The following IFT52 variants were observed in gnomAD, a reference collection of about 807,000 sequenced individuals.
IFT52 encodes intraflagellar transport 52, also known as intraflagellar transport protein 52 homolog.
Under a neutral mutation model 54.4 loss-of-function variants are expected in IFT52, and 44 were observed. The ratio of observed to expected loss-of-function variants is 0.81; its 90% CI spans 0.63 to 1.04. The LOEUF (loss-of-function observed/expected upper bound fraction) is 1.04. Ranked by LOEUF, IFT52 falls within the 50% of genes least tolerant of loss-of-function variation. The pLI, the probability that IFT52 is intolerant of heterozygous loss-of-function variation, is 0.00. For synonymous variants in IFT52, 181 were observed against 185.3 expected (o/e 0.98, Z 0.19); for missense variants, 452 against 523.6 (o/e 0.86, Z 1.33).
At chr20:43,593,691 T>A (rs1981707796) in intron 1 of IFT52, among the ~76,000 whole-genome samples, 1 of 152,130 alleles carries the variant, frequency 6.6e-6, no homozygotes, top group Non-Finnish European at 1.5e-5. Context: ...CACCTCAGCC[T>A]CCCGAATAGC....
At chr20:43,608,064 G>T (rs967825491) in intron 6 of IFT52, among the ~76,000 whole-genome samples, 1 of 152,176 alleles carries the variant, frequency 6.6e-6, no homozygotes, top group African/African-American at 2.4e-5. Context: ...AGGAAATCAG[G>T]CAGGGAGGTT....
At position 43,637,192 on chromosome 20, in the gene IFT52, A is replaced by G. The variant is rs771012260; in HGVS notation, c.1059A>G (p.Leu353=). 30 of 1,609,266 alleles carry G rather than the reference A, an allele frequency of 1.9e-5. No homozygotes were observed. Among genetic ancestry groups the G allele is most frequent in the Non-Finnish European group, 2.5e-5 (30 of 1,178,408 alleles). Residue 353 remains leucine, a synonymous_variant, in exon 12 of 14, where the codon CTA becomes CTG. Transcript: ENST00000373030. ...AGTTACCACCTCCTCCTCTGGAGCT[A>G]TTTGATTTAGATGAAACGTTCTCCT... ...FRELPPPPLE[L]FDLDETFSSE...
At chr20:43,598,171 C>G (rs376021083) in intron 3 of IFT52, among the ~76,000 whole-genome samples, 1 of 151,950 alleles carries the variant, frequency 6.6e-6, no homozygotes, top group Non-Finnish European at 1.5e-5. Context: ...TTATGCCAAA[C>G]GAAAATAAGG....
At chr20:43,592,570 C>A (rs1376068805) in intron 1 of IFT52, among the ~76,000 whole-genome samples, 9 of 142,116 alleles carry the variant, frequency 6.3e-5, no homozygotes, top group East Asian at 2.1e-4. Context: ...CAGACTCTCT[C>A]AAAAAAAAAA....
At chr20:43,639,587 T>G (rs901438507) in intron 12 of IFT52, among the ~76,000 whole-genome samples, 2 of 152,280 alleles carry the variant, frequency 1.3e-5, no homozygotes, top group East Asian at 3.9e-4. Flanking sequence ...GGAGAATCGC[T>G]TGAACCCAGG....
intron 12 of IFT52, chr20:43,642,178 A>C (rs1457429796): frequency 2.7e-5 from 7 of 257,812 alleles, no homozygotes. Context: ...GGGAATGATA[A>C]TTTGATTTCC....
chr20:43,616,513 A>G (rs2145626420), intron 7 of IFT52, among the ~76,000 whole-genome samples: 1 of 151,516 alleles, frequency 6.6e-6, no homozygotes, highest in South Asian at 2.1e-4. Context: ...TGTCTCCAAA[A>G]AAAAAAAAAA....
At position 43,640,018 on chromosome 20, in the gene IFT52, G is replaced by A. The variant is rs1600518477; in HGVS notation, c.1121-2461G>A. 2.0e-5 allele frequency among the ~76,000 whole-genome samples: 3 copies of A among 151,956 alleles called. No individual in the cohort carries two copies. In the South Asian group the frequency reaches 6.2e-4, roughly 32 times the overall value. ...CTCTATAGAAGAATAAACAAAATTAGCCGGGCATGGTGGCTCACTCCTGTA... is the reference window on the plus strand; with the variant it reads ...CTCTATAGAAGAATAAACAAAATTAACCGGGCATGGTGGCTCACTCCTGTA... On this transcript the variant is annotated intron_variant, in intron 12 of 13. Transcript: ENST00000373030.
chr20:43,642,402 C>T (rs1985974850), intron 12 of IFT52, 77 bp from the exon 13 acceptor site: 4 of 1,357,994 alleles, frequency 2.9e-6, no homozygotes, highest in Non-Finnish European at 4.1e-6. Context: ...ACAGGGCATA[C>T]CTGAAACACA....
Position 43,643,375 on chromosome 20 carries a change from A to G in IFT52, c.1266+751A>G, listed in dbSNP as rs1166011438. On this transcript the variant is annotated intron_variant, in intron 13 of 13. Coordinates refer to ENST00000373030, the MANE Select transcript of IFT52 (RefSeq NM_016004.5). ...GTGGTGCACGCCTGTAATCCCAGCT[A>G]CTAGGGAGGCCGAGGCAGGGGAATC... is the stretch of plus-strand genomic sequence containing the variant. 3.6e-5 allele frequency among the ~76,000 whole-genome samples: 2 copies of G among 54,936 alleles called. 1 individual carries two copies. The highest frequency in any genetic ancestry group is 1.1e-4 in the African/African-American group (2 of 18,700). The allele number at this position is 54,936 out of a possible 152,430, so 36.0% of individuals were successfully genotyped here.
chr20:43,603,658 G>T, intron 3 of IFT52, 102 bp from the exon 4 acceptor site: 1 of 1,058,086 alleles, frequency 9.5e-7, no homozygotes, highest in African/African-American at 1.6e-5. Context: ...ATGCCTTATA[G>T]ATTTGAAATA....
rs3752563 is a variant in IFT52, at chr20:43,603,602, A to T, written c.208-158A>T. 4.4e-4 allele frequency among the ~76,000 whole-genome samples: 67 copies of T among 152,306 alleles called. 3 individuals carry two copies. The East Asian group carries it at 0.013, about 29-fold the overall frequency. ...TTTATGCTCAAAGACAAGCTTGGAG[A>T]TCCTACATAGAGAGTACTTTTTATC... On this transcript the variant is annotated intron_variant, in intron 3 of 13. Transcript: ENST00000373030.
Position 43,624,029 on chromosome 20 carries a change from T to G in IFT52, c.907T>G (p.Phe303Val). 1.2e-6 allele frequency: 2 copies of G among 1,614,104 alleles called. No individual in the cohort carries two copies. The highest frequency in any genetic ancestry group is 1.7e-6 in the Non-Finnish European group (2 of 1,179,994). The change falls in exon 10 of 14, where the codon TTC (phenylalanine) becomes GTC (valine). Residue 303 changes from phenylalanine to valine, a missense_variant. Coordinates refer to ENST00000373030, the MANE Select transcript of IFT52 (RefSeq NM_016004.5). The part of the protein sequence containing the change: ...LSIFQLDTTS[F>V]HSVIEAHEQL... ...CATCTTCCAGCTGGATACCACCTCCTTCCACAGCGTCATCGAGTCAGTACC... is the reference window on the plus strand; with the variant it reads ...CATCTTCCAGCTGGATACCACCTCCGTCCACAGCGTCATCGAGTCAGTACC...
intron 8 of IFT52, among the ~76,000 whole-genome samples, chr20:43,620,083 AT>A (rs1984170617): frequency 2.0e-5 from 3 of 151,492 alleles, no homozygotes; most frequent in South Asian, 4.2e-4. Flanking sequence ...CACCAGGCTA[AT>A]TTTTGTATTT....
Position 43,644,321 on chromosome 20 carries a change from G to A in IFT52, c.1266+1697G>A, listed in dbSNP as rs1214411170. Among the ~76,000 whole-genome samples, 2 of 57,954 alleles carry A rather than the reference G, an allele frequency of 3.5e-5. 1 individual carries two copies. The highest frequency in any genetic ancestry group is 1.1e-3 in the East Asian group (2 of 1,748). The allele number at this position is 57,954 out of a possible 152,430, so 38.0% of individuals were successfully genotyped here. On this transcript the variant is annotated intron_variant, in intron 13 of 13. Transcript: ENST00000373030. The stretch of plus-strand genomic sequence containing the variant: ...TGAAAAGCCCTAAAATGTATATACC[G>A]TTGACCCATTCTAATCTTCAGAATT...
At chr20:43,599,332 C>T (rs529034977) in intron 3 of IFT52, among the ~76,000 whole-genome samples, 1 of 152,238 alleles carries the variant, frequency 6.6e-6, no homozygotes, top group South Asian at 2.1e-4. Flanking sequence ...GGTGCCTGGG[C>T]CTTTTCCCAA....
chr20:43,613,701 G>C (rs1983629987), intron 6 of IFT52, 149 bp from the exon 7 acceptor site: 2 of 697,700 alleles, frequency 2.9e-6, no homozygotes, highest in Admixed American at 5.2e-5. Flanking sequence ...AGGTTACAGT[G>C]AGCCAAGATC....
intron 1 of IFT52, among the ~76,000 whole-genome samples, chr20:43,592,019 A>C (rs985080243): frequency 6.6e-6 from 1 of 152,242 alleles, no homozygotes; most frequent in South Asian, 2.1e-4. Flanking sequence ...TCAGCATTGA[A>C]GAGATGAATT....
At chr20:43,626,655 T>C (rs1158011799) in intron 10 of IFT52, among the ~76,000 whole-genome samples, 4 of 152,166 alleles carry the variant, frequency 2.6e-5, no homozygotes, top group African/African-American at 9.7e-5. Flanking sequence ...CAATAGATGA[T>C]GTATGAGTTT....
Sources: allele counts gnomAD v4.1 joint callset (sites outside exome capture counted in the v4.1 genomes callset), GRCh38; gene constraint gnomAD v4.1.1; transcripts MANE v1.5; gene names NCBI Gene and HGNC (gene_info 2026-07-23, HGNC 2026-07-21).